Variants in FREM3 observed in about 807,000 individuals in gnomAD.
The protein encoded by FREM3 is FRAS1 related extracellular matrix 3.
A neutral mutation model predicts 129.1 loss-of-function variants in FREM3; 105 were observed. The observed-to-expected ratio is 0.81, with a 90% CI of 0.69 to 0.96. FREM3 has a LOEUF of 0.96. Ranked by LOEUF, FREM3 falls within the 40% of genes least tolerant of loss-of-function variation. The probability of loss-of-function intolerance (pLI) is 0.00; values close to 1 mark genes in which losing one functional copy is unlikely to be tolerated. For missense variants in FREM3, 2,593 were observed against 2,666.3 expected (o/e 0.97, Z 0.61); for synonymous variants, 1,014 against 1,044.9 (o/e 0.97, Z 0.57).
At chr4:143,669,328 GA>G (rs1406063446) in intron 2 of FREM3, among the ~76,000 whole-genome samples, 15 of 152,328 alleles carry the variant, frequency 9.8e-5, no homozygotes, top group African/African-American at 3.6e-4. Flanking sequence ...TCTTTAGAGA[GA>G]GGGTCTAGCT....
At chr4:143,686,267 GA>G (rs1740362129) in intron 2 of FREM3, among the ~76,000 whole-genome samples, 1 of 152,112 alleles carries the variant, frequency 6.6e-6, no homozygotes, top group Non-Finnish European at 1.5e-5. Context: ...TGTCCAACAG[GA>G]AAATATCACA....
intron 2 of FREM3, among the ~76,000 whole-genome samples, chr4:143,673,483 G>A (rs1047346786): frequency 6.6e-6 from 1 of 152,212 alleles, no homozygotes; most frequent in African/African-American, 2.4e-5. Context: ...CCGGCCGTGT[G>A]AGGTGTCAGT....
intron 6 of FREM3, among the ~76,000 whole-genome samples, chr4:143,588,858 C>G (rs1738297548): frequency 6.7e-6 from 1 of 149,812 alleles, no homozygotes; most frequent in African/African-American, 2.5e-5. Context: ...ACAGTCCCAC[C>G]AACAGGGTAA....
chr4:143,668,882 A>T (rs1473687323), intron 2 of FREM3, among the ~76,000 whole-genome samples: 1 of 152,194 alleles, frequency 6.6e-6, no homozygotes, highest in Non-Finnish European at 1.5e-5. Flanking sequence ...CTGTGCCTTG[A>T]TAGGGAATTG....
chr4:143,585,867 T>A lies in FREM3; in HGVS notation c.6155A>T (p.Lys2052Met), dbSNP rs1560833968. The A allele has an allele frequency of 1.3e-6, 2 of 1,537,324 alleles. No individual in the cohort carries two copies. The highest frequency in any genetic ancestry group is 1.7e-6 in the Non-Finnish European group (2 of 1,146,934). Residue 2052 changes from lysine to methionine, a missense_variant, in exon 7 of 8, where the codon AAG becomes ATG. Transcript: ENST00000329798. This position sits in a 1 kb window ranked among gnomAD's most constrained non-coding sequence, Gnocchi z 4.2. Reference protein sequence around the residue: ...QPSSIAVRSRKSEQESAEAGT... With the variant: ...QPSSIAVRSRMSEQESAEAGT... ...ACCTTCTGCTGACTCCTGCTCTGAC[T>A]TTCTGGAGCGCACGGCGATGGATGA...
At chr4:143,694,273 A>G (rs1740526688) in intron 1 of FREM3, among the ~76,000 whole-genome samples, 1 of 152,188 alleles carries the variant, frequency 6.6e-6, no homozygotes. Context: ...CTCTATGGAG[A>G]GCCAGGTCTA....
At chr4:143,610,565 T>C (rs923880361) in intron 6 of FREM3, among the ~76,000 whole-genome samples, 1 of 152,198 alleles carries the variant, frequency 6.6e-6, no homozygotes, top group African/African-American at 2.4e-5. Context: ...ACTCAAATCC[T>C]GACAGAAGCA....
intron 6 of FREM3, among the ~76,000 whole-genome samples, chr4:143,591,716 G>A (rs1738366541): frequency 6.6e-6 from 1 of 152,200 alleles, no homozygotes; most frequent in African/African-American, 2.4e-5. Context: ...TGTATATTCT[G>A]TTGATTTGGG....
chr4:143,659,827 G>T (rs1290328312), intron 2 of FREM3, among the ~76,000 whole-genome samples: 1 of 151,246 alleles, frequency 6.6e-6, no homozygotes, highest in Non-Finnish European at 1.5e-5. Context: ...TTTCTCTGAT[G>T]GCCAGTGATG....
At chr4:143,586,124 TA>T in intron 6 of FREM3, 131 bp from the exon 7 acceptor site, 17 of 855,758 alleles carry the variant, frequency 2.0e-5, no homozygotes, top group Non-Finnish European at 2.3e-5. Context: ...CTTGTTTTTT[TA>T]TATAGCTCAG....
chr4:143,661,546 T>A (rs1293757973), intron 2 of FREM3, among the ~76,000 whole-genome samples: 1 of 151,882 alleles, frequency 6.6e-6, no homozygotes, highest in African/African-American at 2.4e-5. Flanking sequence ...TGGTCTAAAA[T>A]TCTCTTTTTT....
intron 6 of FREM3, among the ~76,000 whole-genome samples, chr4:143,596,024 A>G (rs1027533202): frequency 6.6e-6 from 1 of 152,164 alleles, no homozygotes; most frequent in Admixed American, 6.5e-5. Context: ...TAGAGTGGCT[A>G]GTAGGAACAA....
intron 6 of FREM3, among the ~76,000 whole-genome samples, chr4:143,589,797 T>G (rs1266973999): frequency 6.6e-6 from 1 of 152,238 alleles, no homozygotes; most frequent in Non-Finnish European, 1.5e-5. Context: ...GGTGTCTTGA[T>G]GGGGATGGCA....
chr4:143,617,107 A>T (rs1412966811), intron 5 of FREM3, among the ~76,000 whole-genome samples: 1 of 152,198 alleles, frequency 6.6e-6, no homozygotes, highest in Non-Finnish European at 1.5e-5. Flanking sequence ...GAAGAAAAAG[A>T]TGGATGAGAT....
In FREM3 at chr4:143,693,153, G is replaced by T. The variant is rs777385846; in HGVS notation, c.5235C>A (p.Asn1745Lys). The change falls in exon 2 of 8, where the codon AAC becomes AAA. Residue 1745 changes from asparagine (N) to lysine (K), a missense_variant. Coordinates refer to ENST00000329798, the MANE Select transcript of FREM3 (RefSeq NM_001168235.2). Reference protein sequence around the residue: ...KISYVLNEGSNASKDIFYFSV... With the variant: ...KISYVLNEGSKASKDIFYFSV... ...AGAAATAGAAGATGTCCTTTGATGC[G>T]TTGCTGCCCTCATTCAAGACATAGG... The T allele has an allele frequency of 5.3e-6, 8 of 1,520,068 alleles. No homozygotes were observed. In the African/African-American group the frequency reaches 9.7e-5, roughly 18 times the overall value. The allele number at this position is 1,520,068 out of a possible 1,614,324, so 94.2% of individuals were successfully genotyped here. A position where few individuals can be genotyped will look rare whatever the true frequency, so the allele number is the denominator to read the frequency against.
At chr4:143,660,985 T>C (rs371643003) in intron 2 of FREM3, among the ~76,000 whole-genome samples, 1,603 of 151,988 alleles carry the variant, frequency 0.011, 27 homozygotes, top group African/African-American at 0.035. Context: ...AGATTTTGGG[T>C]TGAGACAATG....
chr4:143,635,959 C>G (rs1739226540), intron 2 of FREM3, among the ~76,000 whole-genome samples: 1 of 152,072 alleles, frequency 6.6e-6, no homozygotes, highest in Admixed American at 6.6e-5. Context: ...TGACACTGTT[C>G]ACTCACACAG....
intron 2 of FREM3, among the ~76,000 whole-genome samples, chr4:143,643,811 G>C (rs959480112): frequency 2.6e-5 from 4 of 152,066 alleles, no homozygotes; most frequent in African/African-American, 9.7e-5. Flanking sequence ...TAGAAGAGAG[G>C]CTTTTGAATG....
At chr4:143,645,851 C>G (rs899317249) in intron 2 of FREM3, among the ~76,000 whole-genome samples, 2 of 152,134 alleles carry the variant, frequency 1.3e-5, no homozygotes, top group African/African-American at 4.8e-5. Flanking sequence ...TTTTCTTCAT[C>G]TGTGAAACTT....
Sources: gnomAD v4.1 joint callset for allele counts (sites outside exome capture counted in the v4.1 genomes callset) on GRCh38, gnomAD v4.1.1 for gene constraint, Gnocchi (gnomAD v3.1) non-coding constraint, MANE v1.5 for transcripts, NCBI Gene and HGNC (gene_info 2026-07-23, HGNC 2026-07-21) for gene names.